The following ADGRB3 variants were observed in gnomAD, a reference collection of about 807,000 sequenced individuals.
ADGRB3 encodes the protein brain-specific angiogenesis inhibitor 3.
Under a neutral mutation model 193.4 loss-of-function variants are expected in ADGRB3, and 37 were observed. The ratio of observed to expected loss-of-function variants is 0.19; its 90% CI spans 0.15 to 0.25. ADGRB3 has a LOEUF of 0.25. Ranked by LOEUF, ADGRB3 falls within the 10% of genes least tolerant of loss-of-function variation. ADGRB3 has a pLI of 1.00. For synonymous variants in ADGRB3, 690 were observed against 644.2 expected (o/e 1.07, Z -1.08); for missense variants, 1,637 against 1,852.9 (o/e 0.88, Z 2.14).
At chr6:68,731,857 A>G (rs1765782307) in intron 3 of ADGRB3, among the ~76,000 whole-genome samples, 1 of 151,706 alleles carries the variant, frequency 6.6e-6, no homozygotes, top group South Asian at 2.1e-4. Flanking sequence ...TTGTAAAGTA[A>G]TGGGCTTGAA....
chr6:68,847,721 TA>T (rs1247485460), intron 3 of ADGRB3, among the ~76,000 whole-genome samples: 2 of 152,160 alleles, frequency 1.3e-5, no homozygotes, highest in African/African-American at 4.8e-5. Context: ...ATCAGCGGCA[TA>T]AAAACGGACT....
intron 3 of ADGRB3, among the ~76,000 whole-genome samples, chr6:68,698,073 A>AGAT (rs1765185439): frequency 6.6e-6 from 1 of 151,842 alleles, no homozygotes; most frequent in Admixed American, 6.6e-5. Context: ...TATACATGAT[A>AGAT]GATATAGATA....
intron 17 of ADGRB3, among the ~76,000 whole-genome samples, chr6:69,186,777 A>G (rs2150353340): frequency 6.6e-6 from 1 of 152,050 alleles, no homozygotes; most frequent in Non-Finnish European, 1.5e-5. Flanking sequence ...CCAGAGGTCA[A>G]TGCTCAATGT....
intron 17 of ADGRB3, among the ~76,000 whole-genome samples, chr6:69,113,249 A>G (rs1055599890): frequency 7.2e-5 from 11 of 152,140 alleles, no homozygotes; most frequent in Non-Finnish European, 1.3e-4. Context: ...ACATATTTAT[A>G]TGTACAATAT....
chr6:69,248,996 G>T (rs1422796426), intron 20 of ADGRB3, among the ~76,000 whole-genome samples: 2 of 151,874 alleles, frequency 1.3e-5, no homozygotes. Context: ...TCTTTTTTTT[G>T]AAATGGAGTT....
chr6:69,193,030 C>A (rs1469015966), intron 17 of ADGRB3, among the ~76,000 whole-genome samples: 3 of 152,084 alleles, frequency 2.0e-5, no homozygotes, highest in Non-Finnish European at 2.9e-5. Context: ...TTCAATATCA[C>A]GAGTCCTAAA....
intron 13 of ADGRB3, among the ~76,000 whole-genome samples, chr6:69,035,993 G>A (rs1352601495): frequency 6.6e-6 from 1 of 152,130 alleles, no homozygotes; most frequent in African/African-American, 2.4e-5. Flanking sequence ...CATTTGAGAT[G>A]CCTGAAGAAA....
intron 8 of ADGRB3, among the ~76,000 whole-genome samples, chr6:68,963,991 A>G (rs1768308270): frequency 6.6e-6 from 1 of 152,152 alleles, no homozygotes; most frequent in Admixed American, 6.6e-5. Flanking sequence ...CATATGATAA[A>G]AGCTATAACT....
At chr6:68,934,258 A>G (rs1228841994) in intron 4 of ADGRB3, among the ~76,000 whole-genome samples, 1 of 152,170 alleles carries the variant, frequency 6.6e-6, no homozygotes, top group Non-Finnish European at 1.5e-5. Flanking sequence ...TGATCAATGA[A>G]GAGAGAGGAA....
Position 68,871,028 on chromosome 6 carries a change from G to A in ADGRB3, c.758-59531G>A, listed in dbSNP as rs150360793. On this transcript the variant is annotated intron_variant, in intron 3 of 31. Coordinates refer to ENST00000370598, the MANE Select transcript of ADGRB3 (RefSeq NM_001704.3). Reference sequence around the variant, plus strand: ...TTTGAGTGAAAGTCCCTGCAACTTCGGCTTTTGTAAACTTACCCTTCTCTT... The same window carrying A: ...TTTGAGTGAAAGTCCCTGCAACTTCAGCTTTTGTAAACTTACCCTTCTCTT... 3.5e-4 allele frequency among the ~76,000 whole-genome samples: 54 copies of A among 152,158 alleles called. No individual in the cohort carries two copies. The East Asian group carries it at 9.3e-3, about 26-fold the overall frequency.
intron 13 of ADGRB3, among the ~76,000 whole-genome samples, chr6:69,046,047 G>A (rs779600055): frequency 7.2e-5 from 11 of 152,012 alleles, no homozygotes; most frequent in Admixed American, 1.3e-4. Flanking sequence ...GGTATTAGAC[G>A]AGCATTTATT....
chr6:69,348,722 C>T (rs1418142095), intron 26 of ADGRB3, among the ~76,000 whole-genome samples: 2 of 151,830 alleles, frequency 1.3e-5, no homozygotes, highest in African/African-American at 4.8e-5. Flanking sequence ...GGACAAATTT[C>T]ACCTTTCTCT....
intron 17 of ADGRB3, among the ~76,000 whole-genome samples, chr6:69,146,149 G>A (rs1437808323): frequency 6.6e-6 from 1 of 152,114 alleles, no homozygotes; most frequent in East Asian, 1.9e-4. Flanking sequence ...ACCTGCAGGT[G>A]AGTGCCAAGC....
chr6:68,698,095 A>G (rs12213126), intron 3 of ADGRB3, among the ~76,000 whole-genome samples: 1,629 of 151,896 alleles, frequency 0.011, 15 homozygotes, highest in South Asian at 0.019. Context: ...AGATTCATAA[A>G]CATATGGTAT....
chr6:68,914,434 A>G (rs1582311064), intron 3 of ADGRB3, among the ~76,000 whole-genome samples: 3 of 152,224 alleles, frequency 2.0e-5, no homozygotes, highest in Middle Eastern at 6.8e-3. Flanking sequence ...TTTCATATCC[A>G]GCCAAACTAA....
chr6:69,231,038 A>G (rs889097090), intron 17 of ADGRB3, among the ~76,000 whole-genome samples: 9 of 152,182 alleles, frequency 5.9e-5, no homozygotes, highest in African/African-American at 2.2e-4. Flanking sequence ...GCTTGGAGTG[A>G]GTGAAGGACT....
chr6:68,939,250 C>T (rs528711882), intron 5 of ADGRB3, among the ~76,000 whole-genome samples: 10 of 152,196 alleles, frequency 6.6e-5, no homozygotes, highest in Non-Finnish European at 1.2e-4. Context: ...CCTGAGGTAG[C>T]AATTTTTTGA....
intron 3 of ADGRB3, among the ~76,000 whole-genome samples, chr6:68,829,545 G>A (rs1320923190): frequency 6.6e-6 from 1 of 152,054 alleles, no homozygotes; most frequent in African/African-American, 2.4e-5. Context: ...AAGGAATTAA[G>A]GTGGCATGAA....
intron 17 of ADGRB3, among the ~76,000 whole-genome samples, chr6:69,107,170 G>A (rs2200088): frequency 0.66 from 99,969 of 152,094 alleles, 34,089 homozygotes; most frequent in East Asian, 0.95. Flanking sequence ...TTCTGTAAGA[G>A]AATTACATGG....
Sources: gnomAD v4.1 joint callset for allele counts (sites outside exome capture counted in the v4.1 genomes callset) on GRCh38, gnomAD v4.1.1 for gene constraint, MANE v1.5 for transcripts, NCBI Gene and HGNC (gene_info 2026-07-23, HGNC 2026-07-21) for gene names.